UGGT1: variants seen among roughly 807,000 people sequenced by gnomAD.
The protein encoded by UGGT1 is UDP-glucose glycoprotein glucosyltransferase 1.
Under a neutral mutation model 203.9 loss-of-function variants are expected in UGGT1, and 107 were observed. The observed-to-expected ratio is 0.52, with a 90% CI of 0.45 to 0.62. The LOEUF is 0.62. UGGT1 is among the 20% of genes least tolerant of loss of function. UGGT1 has a pLI of 0.00. For synonymous variants in UGGT1, 628 were observed against 653.5 expected (o/e 0.96, Z 0.59); for missense variants, 1,673 against 1,867.2 (o/e 0.90, Z 1.92).
intron 13 of UGGT1, among the ~76,000 whole-genome samples, chr2:128,131,688 T>G (rs1329231005): frequency 6.6e-6 from 1 of 152,124 alleles, no homozygotes; most frequent in African/African-American, 2.4e-5. Flanking sequence ...AGTGCAGTGG[T>G]GTGATCTCAG....
intron 26 of UGGT1, among the ~76,000 whole-genome samples, chr2:128,168,645 A>G (rs531118342): frequency 3.7e-4 from 57 of 152,344 alleles, no homozygotes; most frequent in African/African-American, 1.3e-3. Flanking sequence ...AAATCCTTTC[A>G]AGTTGAGTCC....
At position 128,190,478 on chromosome 2, in the gene UGGT1, G is replaced by A. The variant is rs1412881885; in HGVS notation, c.*736G>A. ...TTTATAATCCATTAGTAGCACCATG[G>A]CTCATTTGAAATGAAAATATTACAC... On this transcript the variant is annotated 3_prime_UTR_variant, in exon 41 of 41. Transcript: ENST00000259253. 1 of 152,144 alleles carries A rather than the reference G, an allele frequency of 6.6e-6. No homozygotes were observed. Among genetic ancestry groups the A allele is most frequent in the African/African-American group, 2.4e-5 (1 of 41,424 alleles). The allele number at this position is 152,144 out of a possible 1,614,324, so 9.4% of individuals were successfully genotyped here.
At chr2:128,181,755 G>A (rs1400679668) in intron 36 of UGGT1, among the ~76,000 whole-genome samples, 1 of 152,142 alleles carries the variant, frequency 6.6e-6, no homozygotes, top group Non-Finnish European at 1.5e-5. Flanking sequence ...GAGTACTTAC[G>A]ATGGGCAAGG....
At chr2:128,129,999 G>A (rs959234805) in intron 13 of UGGT1, among the ~76,000 whole-genome samples, 3 of 152,104 alleles carry the variant, frequency 2.0e-5, no homozygotes, top group African/African-American at 7.2e-5. Flanking sequence ...GGTGGCTCGT[G>A]CCTGTAATCC....
At position 128,161,149 on chromosome 2, in the gene UGGT1, A is replaced by C; in HGVS notation, c.2706A>C (p.Pro902=). 1 of 1,613,936 alleles carries C rather than the reference A, an allele frequency of 6.2e-7. No homozygotes were observed. The highest frequency in any genetic ancestry group is 8.5e-7 in the Non-Finnish European group (1 of 1,179,938). Residue 902 remains proline, a synonymous_variant, in exon 25 of 41, where the codon CCA becomes CCC. Coordinates refer to ENST00000259253, the MANE Select transcript of UGGT1 (RefSeq NM_020120.4). ...AVISNGRIIG[P]LEDSELFNQD... Reference sequence around the variant, plus strand: ...TCTCTCCTTCACAGATCATTGGGCCACTGGAGGATAGTGAGCTCTTTAATC... The same window carrying C: ...TCTCTCCTTCACAGATCATTGGGCCCCTGGAGGATAGTGAGCTCTTTAATC...
At chr2:128,157,149 C>T in intron 21 of UGGT1, 103 bp from the exon 22 acceptor site, 1 of 816,554 alleles carries the variant, frequency 1.2e-6, no homozygotes, top group South Asian at 1.5e-5. Context: ...CTTCTTTTTG[C>T]ATGGTTCTTA....
chr2:128,112,668 G>A (rs1185942639), intron 5 of UGGT1, among the ~76,000 whole-genome samples: 4 of 148,132 alleles, frequency 2.7e-5, no homozygotes, highest in African/African-American at 5.0e-5. Context: ...CTGCACCCTC[G>A]ACCTCTGGGG....
rs2105443535 is a variant in UGGT1 at position 128,138,594 on chromosome 2, C to T, written c.1584-123C>T. The T allele has an allele frequency of 6.0e-6, 7 of 1,159,688 alleles. No homozygotes were observed. In the South Asian group the frequency reaches 1.1e-4, roughly 18 times the overall value. The allele number at this position is 1,159,688 out of a possible 1,614,324, so 71.8% of individuals were successfully genotyped here. A position where few individuals can be genotyped will look rare whatever the true frequency, so the allele number is the denominator to read the frequency against. ...AGAGTAGAGTAGGCTGTGAACTGTG[C>T]TTTTCACTCAAAGAGTTTTCCTCTG... On this transcript the variant is annotated intron_variant, in intron 15 of 40. Coordinates refer to ENST00000259253, the MANE Select transcript of UGGT1 (RefSeq NM_020120.4).
rs564211107 is a variant in UGGT1 at position 128,195,592 on chromosome 2, C to A, written c.*5850C>A. On this transcript the variant is annotated 3_prime_UTR_variant, in exon 41 of 41. Coordinates refer to ENST00000259253, the MANE Select transcript of UGGT1 (RefSeq NM_020120.4). Reference sequence around the variant, plus strand: ...TAAATGTCTGCAGAATCTCTGCGTTCGAAGGGAATTGAGAATGAACTTCCT... The same window carrying A: ...TAAATGTCTGCAGAATCTCTGCGTTAGAAGGGAATTGAGAATGAACTTCCT... The A allele has an allele frequency of 9.2e-5, 14 of 152,256 alleles. No homozygotes were observed. The highest frequency in any genetic ancestry group is 2.1e-4 in the South Asian group (1 of 4,820). The allele number at this position is 152,256 out of a possible 1,614,324, so 9.4% of individuals were successfully genotyped here.
chr2:128,174,669 C>A, intron 30 of UGGT1, 104 bp from the exon 31 acceptor site: 1 of 978,124 alleles, frequency 1.0e-6, no homozygotes, highest in Non-Finnish European at 1.6e-6. Context: ...CTGTGTTATT[C>A]ACATTATAGT....
chr2:128,115,094 G>A, intron 6 of UGGT1, 30 bp from the exon 7 acceptor site: 1 of 1,599,846 alleles, frequency 6.3e-7, no homozygotes, highest in Non-Finnish European at 8.6e-7. Flanking sequence ...GAGCTAGGTG[G>A]TAATGATGGA....
Position 128,138,731 on chromosome 2 carries a change from T to G in UGGT1, c.1598T>G (p.Phe533Cys). ...NHIPLRIGFI[F>C]VVNDSEDVDG... ...TTTCCCTCCAGAATTGGTTTTATCT[T>G]TGTGGTTAATGACTCTGAAGATGTT... is the stretch of plus-strand genomic sequence containing the variant. The change falls in exon 16 of 41, where the codon TTT (phenylalanine) becomes TGT (cysteine). Residue 533 changes from phenylalanine to cysteine, a missense_variant. Physicochemically the swap from Phe to Cys is radical, Grantham distance 205. This residue lies in a region of UGGT1 where 1,073 missense variants were observed against 1,078.7 expected (regional missense o/e 0.99). Coordinates refer to ENST00000259253, the MANE Select transcript of UGGT1 (RefSeq NM_020120.4). The G allele has an allele frequency of 1.2e-6, 2 of 1,613,442 alleles. No individual in the cohort carries two copies. Among genetic ancestry groups the G allele is most frequent in the Non-Finnish European group, 1.7e-6 (2 of 1,179,864 alleles).
rs1039677284 is a variant in UGGT1, at chr2:128,194,637, T to G, written c.*4895T>G. 1 of 152,220 alleles carries G rather than the reference T, an allele frequency of 6.6e-6. No individual in the cohort carries two copies. The highest frequency in any genetic ancestry group is 2.4e-5 in the African/African-American group (1 of 41,458). The allele number at this position is 152,220 out of a possible 1,614,324, so 9.4% of individuals were successfully genotyped here. ...TATGGGCACATTTTTGTGGGATGAT[T>G]GGAGTTAATCAAATAAAGCTTGTCA... On this transcript the variant is annotated 3_prime_UTR_variant, in exon 41 of 41. Coordinates refer to ENST00000259253, the MANE Select transcript of UGGT1 (RefSeq NM_020120.4).
chr2:128,179,608 TA>T (rs1232990889), intron 34 of UGGT1, among the ~76,000 whole-genome samples, 177 bp from the exon 35 acceptor site: 1 of 152,250 alleles, frequency 6.6e-6, no homozygotes, highest in African/African-American at 2.4e-5. Context: ...GATAACTTCA[TA>T]AGTTGGAGTA....
At position 128,161,234 on chromosome 2, in the gene UGGT1, T is replaced by C; in HGVS notation, c.2791T>C (p.Ser931Pro). 6.2e-7 allele frequency: 1 copy of C among 1,613,998 alleles called. No homozygotes were observed. Among genetic ancestry groups the C allele is most frequent in the East Asian group, 2.2e-5 (1 of 44,860 alleles). Residue 931 changes from serine to proline, a missense_variant, in exon 25 of 41, where the codon TCT becomes CCT. This residue lies in a region of UGGT1 where 1,073 missense variants were observed against 1,078.7 expected (regional missense o/e 0.99). Coordinates refer to ENST00000259253, the MANE Select transcript of UGGT1 (RefSeq NM_020120.4). ...AAAAACCTCAGGACAGAAAATAAAA[T>C]CTCATATTCAACAGCTTCGGGTAGA... is the stretch of plus-strand genomic sequence containing the variant. ...ILKTSGQKIK[S>P]HIQQLRVEED... is the part of the protein sequence containing the mutation.
chr2:128,120,598 G>A (rs948808932), intron 9 of UGGT1, 142 bp downstream of exon 9: 4 of 673,634 alleles, frequency 5.9e-6, no homozygotes, highest in African/African-American at 3.6e-5. Context: ...GATTAATTAC[G>A]ATTAATCAGG....
Position 128,187,493 on chromosome 2 carries a change from G to A in UGGT1, c.4521G>A (p.Val1507=), listed in dbSNP as rs1692040634. 6.2e-7 allele frequency: 1 copy of A among 1,614,028 alleles called. No individual in the cohort carries two copies. The highest frequency in any genetic ancestry group is 1.3e-5 in the African/African-American group (1 of 74,914). ...AAGAGCCGAAACTGGAAGCAGCTGT[G>A]CGGATTGTCCCGGAGTGGCAGGACT... The part of the protein sequence containing the change: ...MTKEPKLEAA[V]RIVPEWQDYD... Residue 1507 remains valine, a synonymous_variant, in exon 40 of 41, where the codon GTG becomes GTA. Coordinates refer to ENST00000259253, the MANE Select transcript of UGGT1 (RefSeq NM_020120.4).
intron 8 of UGGT1, among the ~76,000 whole-genome samples, chr2:128,119,094 A>C (rs995624420): frequency 5.9e-5 from 9 of 152,226 alleles, no homozygotes; most frequent in African/African-American, 2.2e-4. Context: ...TGGGCACCCC[A>C]AGTCTGAAAA....
Position 128,097,552 on chromosome 2 carries a change from T to C in UGGT1, c.182T>C (p.Leu61Ser), listed in dbSNP as rs2105332764. 1.2e-6 allele frequency: 2 copies of C among 1,614,092 alleles called. No individual in the cohort carries two copies. Among genetic ancestry groups the C allele is most frequent in the Non-Finnish European group, 8.5e-7 (1 of 1,180,004 alleles). ...LTTKWFSTPL[L>S]LEASEFLAED... ...ACAAAATGGTTTTCCACTCCATTGT[T>C]GTTAGAAGCCAGGTAAGAGAACATT... Residue 61 changes from leucine to serine, a missense_variant, in exon 2 of 41, where the codon TTG (leucine) becomes TCG (serine). Physicochemically the swap from Leu to Ser is moderately radical, Grantham distance 145. This residue lies in a region of UGGT1 where 83 missense variants were observed against 87.2 expected (regional missense o/e 0.95). Coordinates refer to ENST00000259253, the MANE Select transcript of UGGT1 (RefSeq NM_020120.4).
Sources: gnomAD v4.1 joint callset for allele counts (sites outside exome capture counted in the v4.1 genomes callset) on GRCh38, gnomAD v4.1.1 for gene constraint, gnomAD v4.1.1 regional missense constraint, MANE v1.5 for transcripts, NCBI Gene and HGNC (gene_info 2026-07-23, HGNC 2026-07-21) for gene names.